Variants in KCNIP1 observed in about 807,000 individuals in gnomAD.
The protein encoded by KCNIP1 is A-type potassium channel modulatory protein KCNIP1.
KCNIP1 carries 18 observed loss-of-function variants against 33.0 expected under a neutral mutation model. The observed-to-expected ratio is 0.55, with a 90% confidence interval of 0.38 to 0.81. The LOEUF is 0.81. Among genes scored for constraint, KCNIP1 ranks in the 30% least tolerant of loss-of-function variants. The pLI is 0.00. For missense variants in KCNIP1, 238 were observed against 271.6 expected (o/e 0.88, Z 0.87); for synonymous variants, 93 against 98.3 (o/e 0.95, Z 0.32).
chr5:170,695,749 G>A (rs1312656233), intron 1 of KCNIP1, among the ~76,000 whole-genome samples: 10 of 152,312 alleles, frequency 6.6e-5, no homozygotes, highest in African/African-American at 1.4e-4. Flanking sequence ...GGCTGGGCGC[G>A]GTAGCTCACG....
chr5:170,424,119 T>A (rs1238855940), intron 1 of KCNIP1, among the ~76,000 whole-genome samples: 1 of 152,252 alleles, frequency 6.6e-6, no homozygotes, highest in Non-Finnish European at 1.5e-5. Context: ...CTTTTTCTTC[T>A]GCTGCTGACA....
intron 1 of KCNIP1, among the ~76,000 whole-genome samples, chr5:170,550,840 C>T (rs1449990113): frequency 6.6e-6 from 1 of 152,196 alleles, no homozygotes. Context: ...AGAGTTTAAT[C>T]TGCAACTCCT....
At chr5:170,457,155 C>T (rs1419109975) in intron 1 of KCNIP1, among the ~76,000 whole-genome samples, 3 of 152,114 alleles carry the variant, frequency 2.0e-5, no homozygotes, top group South Asian at 4.2e-4. Flanking sequence ...TACAACAAGC[C>T]AATTGATATG....
rs1160553230 is a variant in KCNIP1, at chr5:170,512,986, C to T, written c.61+8353C>T. On this transcript the variant is annotated intron_variant, in intron 1 of 7. Coordinates refer to ENST00000328939, the MANE Select transcript of KCNIP1 (RefSeq NM_014592.4). Reference sequence around the variant, plus strand: ...AATGGCGTGAACCCAGGAGGTGGAGCTTGCAGTGAGCCGAGATCGCGCCAC... The same window carrying T: ...AATGGCGTGAACCCAGGAGGTGGAGTTTGCAGTGAGCCGAGATCGCGCCAC... Among the ~76,000 whole-genome samples, 18 of 151,674 alleles carry T rather than the reference C, an allele frequency of 1.2e-4. 1 individual carries two copies. Among genetic ancestry groups the T allele is most frequent in the Non-Finnish European group, 4.4e-5 (3 of 67,926 alleles).
chr5:170,538,965 T>TG (rs1157451664), intron 1 of KCNIP1, among the ~76,000 whole-genome samples: 1 of 152,038 alleles, frequency 6.6e-6, no homozygotes, highest in Non-Finnish European at 1.5e-5. Context: ...CCCAGGGCTC[T>TG]GGGCTGGCTT....
At chr5:170,597,217 A>T (rs1422964851) in intron 1 of KCNIP1, among the ~76,000 whole-genome samples, 1 of 152,168 alleles carries the variant, frequency 6.6e-6, no homozygotes, top group Non-Finnish European at 1.5e-5. Flanking sequence ...AATCCAGTTT[A>T]AAGGCCAGGA....
intron 1 of KCNIP1, among the ~76,000 whole-genome samples, chr5:170,693,286 G>A (rs1231297505): frequency 2.6e-5 from 4 of 152,058 alleles, no homozygotes; most frequent in Non-Finnish European, 5.9e-5. Flanking sequence ...CTTCAAGATG[G>A]AGCCAGGCTG....
intron 5 of KCNIP1, among the ~76,000 whole-genome samples, chr5:170,732,396 G>T (rs1248854929): frequency 1.3e-5 from 2 of 152,160 alleles, no homozygotes; most frequent in Non-Finnish European, 2.9e-5. Context: ...TTGGCTGTTG[G>T]TTCATTTTTC....
chr5:170,424,907 G>A (rs1005264212), intron 1 of KCNIP1, among the ~76,000 whole-genome samples: 1 of 152,094 alleles, frequency 6.6e-6, no homozygotes, highest in Admixed American at 6.5e-5. Context: ...TGGGCGTCTT[G>A]GCTTCTTTCT....
intron 1 of KCNIP1, among the ~76,000 whole-genome samples, chr5:170,449,753 A>T (rs1001972242): frequency 2.6e-5 from 4 of 152,192 alleles, no homozygotes; most frequent in African/African-American, 9.6e-5. Context: ...GGTACTCCTG[A>T]GCAATGGGTC....
At chr5:170,616,810 T>C (rs1363306141) in intron 1 of KCNIP1, among the ~76,000 whole-genome samples, 2 of 152,146 alleles carry the variant, frequency 1.3e-5, no homozygotes, top group Non-Finnish European at 2.9e-5. Flanking sequence ...GCCTGGAACA[T>C]GCTTCCATAC....
At chr5:170,722,997 T>C (rs1763883586) in intron 5 of KCNIP1, among the ~76,000 whole-genome samples, 177 bp downstream of exon 5, 1 of 152,182 alleles carries the variant, frequency 6.6e-6, no homozygotes, top group Admixed American at 6.5e-5. Flanking sequence ...TACCCTGCCC[T>C]GTTCCCAAGC....
chr5:170,405,345 C>G (rs915948003), intron 1 of KCNIP1, among the ~76,000 whole-genome samples: 1 of 152,100 alleles, frequency 6.6e-6, no homozygotes, highest in African/African-American at 2.4e-5. Flanking sequence ...CAGGCACCAC[C>G]ACCATGCCCA....
At chr5:170,535,646 A>G (rs550793760) in intron 1 of KCNIP1, among the ~76,000 whole-genome samples, 119 of 152,228 alleles carry the variant, frequency 7.8e-4, no homozygotes, top group Non-Finnish European at 1.5e-3. Context: ...ACCTGCAGAA[A>G]TTCTCAAATC....
At chr5:170,543,354 T>C (rs150828660) in intron 1 of KCNIP1, among the ~76,000 whole-genome samples, 1 of 152,314 alleles carries the variant, frequency 6.6e-6, no homozygotes, top group East Asian at 1.9e-4. Flanking sequence ...TTTACTGTGA[T>C]AGTGAAGGAA....
intron 1 of KCNIP1, among the ~76,000 whole-genome samples, chr5:170,464,178 A>G (rs1756561937): frequency 6.6e-6 from 1 of 152,270 alleles, no homozygotes; most frequent in Non-Finnish European, 1.5e-5. Context: ...ATCCATGTTC[A>G]TGATCAGAAG....
intron 1 of KCNIP1, among the ~76,000 whole-genome samples, chr5:170,517,658 TATG>T (rs1017793946): frequency 1.8e-4 from 22 of 125,686 alleles, no homozygotes; most frequent in South Asian, 5.8e-4. Context: ...GCGATGGTGG[TATG>T]GTGGTGGTGG....
At position 170,448,478 on chromosome 5, in the gene KCNIP1, G is replaced by A. The variant is rs531039470; in HGVS notation, c.88+94514G>A. 2.0e-5 allele frequency among the ~76,000 whole-genome samples: 3 copies of A among 152,356 alleles called. No individual in the cohort carries two copies. The South Asian group carries it at 6.2e-4, about 32-fold the overall frequency. Reference sequence around the variant, plus strand: ...GCCCTGGGGGCTTGGAGGAGTGGCTGCTTACTCCCTGGGGGAAGTGTGGGC... The same window carrying A: ...GCCCTGGGGGCTTGGAGGAGTGGCTACTTACTCCCTGGGGGAAGTGTGGGC... On this transcript the variant is annotated intron_variant, in intron 1 of 7. Coordinates refer to the KCNIP1 transcript ENST00000377360.
At chr5:170,475,194 A>G (rs985183804) in intron 1 of KCNIP1, among the ~76,000 whole-genome samples, 10 of 152,204 alleles carry the variant, frequency 6.6e-5, no homozygotes, top group Admixed American at 2.6e-4. Context: ...GTAAGACAGA[A>G]AAGTTCTTCA....
Sources: allele counts gnomAD v4.1 joint callset (sites outside exome capture counted in the v4.1 genomes callset), GRCh38; gene constraint gnomAD v4.1.1; transcripts MANE v1.5; gene names NCBI Gene and HGNC (gene_info 2026-07-23, HGNC 2026-07-21).